Variants in KIF3C observed in about 807,000 individuals in gnomAD.
The protein encoded by KIF3C is kinesin family member 3C, also known as kinesin-like protein KIF3C.
A neutral mutation model predicts 67.7 loss-of-function variants in KIF3C; 12 were observed. The observed-to-expected ratio is 0.18, with a 90% CI of 0.11 to 0.29. The LOEUF (loss-of-function observed/expected upper bound fraction) is 0.29. Ranked by LOEUF, KIF3C falls within the 10% of genes least tolerant of loss-of-function variation. The probability of loss-of-function intolerance (pLI) is 1.00; values close to 1 mark genes in which losing one functional copy is unlikely to be tolerated. For missense variants in KIF3C, 789 were observed against 1,059.6 expected (o/e 0.74, Z 3.55); for synonymous variants, 393 against 426.2 (o/e 0.92, Z 0.96).
At position 25,930,064 on chromosome 2, in the gene KIF3C, C is replaced by T. The variant is rs2090446206; in HGVS notation, c.2007-1G>A. 2.5e-6 allele frequency: 4 copies of T among 1,611,976 alleles called. No homozygotes were observed. Among genetic ancestry groups the T allele is most frequent in the Admixed American group, 3.3e-5 (2 of 59,984 alleles). On this transcript the variant is annotated splice_acceptor_variant, in intron 5 of 7. Transcript: ENST00000264712. LOFTEE classifies it high-confidence loss of function. ...CCGCTTCTTCATCTGGCTGCTACTG[C>T]TGTAGGAAAGAGGCTATATTAGAAA...
chr2:25,966,017 A>G lies in KIF3C; in HGVS notation c.1546-9573T>C, dbSNP rs533394492. On this transcript the variant is annotated intron_variant, in intron 1 of 7. Coordinates refer to ENST00000264712, the MANE Select transcript of KIF3C (RefSeq NM_002254.8). ...ACCAAGGGGACTTTGGGAATCATCA[A>G]CCCCAACCCCCATGCTTTATAGATG... is the stretch of plus-strand genomic sequence containing the variant. Among the ~76,000 whole-genome samples the G allele has an allele frequency of 2.0e-5, 3 of 152,124 alleles. No homozygotes were observed. In the East Asian group the frequency reaches 5.8e-4, roughly 30 times the overall value.
At chr2:25,938,385 A>G (rs1663196529) in intron 5 of KIF3C, 1 of 387,848 alleles carries the variant, frequency 2.6e-6, no homozygotes, top group Non-Finnish European at 5.1e-6. Flanking sequence ...ATTTTGTGAA[A>G]TTTTTGAATC....
chr2:25,938,274 C>T, intron 5 of KIF3C: 2 of 452,338 alleles, frequency 4.4e-6, no homozygotes, highest in South Asian at 3.1e-5. Flanking sequence ...CAGAGAATTG[C>T]TTGAACCTGG....
chr2:25,942,061 A>G (rs1163654454), intron 5 of KIF3C, among the ~76,000 whole-genome samples: 1 of 151,984 alleles, frequency 6.6e-6, no homozygotes, highest in Admixed American at 6.6e-5. Context: ...AAATTAAATA[A>G]AATTTAAAAA....
In KIF3C at chr2:25,945,131, CAA is replaced by C. The variant is rs60379654; in HGVS notation, c.2006+6656_2006+6657del. Among the ~76,000 whole-genome samples the C allele has an allele frequency of 1.1e-3, 156 of 135,960 alleles. 1 individual carries two copies. Among genetic ancestry groups the C allele is most frequent in the Admixed American group, 3.4e-3 (45 of 13,300 alleles). The allele number at this position is 135,960 out of a possible 152,430, so 89.2% of individuals were successfully genotyped here. A position where few individuals can be genotyped will look rare whatever the true frequency, so the allele number is the denominator to read the frequency against. The stretch of plus-strand genomic sequence containing the variant: ...GGGCAACAAGAGCAAAACTCTATCT[CAA>C]AAAAAAAAAAAATTTAAGGGAACAC... On this transcript the variant is annotated intron_variant, in intron 5 of 7. Transcript: ENST00000264712.
At chr2:25,933,872 C>G (rs527574153) in intron 5 of KIF3C, among the ~76,000 whole-genome samples, 81 of 152,092 alleles carry the variant, frequency 5.3e-4, no homozygotes, top group African/African-American at 1.9e-3. Flanking sequence ...TAGGCATATA[C>G]TCAAGAGAAT....
At chr2:25,947,664 CTG>C (rs929577911) in intron 5 of KIF3C, among the ~76,000 whole-genome samples, 1 of 151,800 alleles carries the variant, frequency 6.6e-6, no homozygotes, top group Non-Finnish European at 1.5e-5. Flanking sequence ...TTTTTAAAAT[CTG>C]TGAATGGTTT....
chr2:25,971,643 A>T (rs1664286584), intron 1 of KIF3C, among the ~76,000 whole-genome samples: 1 of 152,108 alleles, frequency 6.6e-6, no homozygotes. Flanking sequence ...TCTGAGCATG[A>T]GGGTGTGCCT....
At chr2:25,929,218 C>T in intron 7 of KIF3C, 87 bp downstream of exon 7, 3 of 1,499,326 alleles carry the variant, frequency 2.0e-6, no homozygotes, top group Non-Finnish European at 2.8e-6. Flanking sequence ...CTTCGGGTAC[C>T]AGCAAAACCC....
intron 1 of KIF3C, among the ~76,000 whole-genome samples, chr2:25,976,322 A>G (rs1213843570): frequency 6.6e-6 from 1 of 151,958 alleles, no homozygotes; most frequent in East Asian, 1.9e-4. Flanking sequence ...CTCCCTCCAG[A>G]CCTTCTTATT....
Position 25,930,065 on chromosome 2 carries a change from T to C in KIF3C, c.2007-2A>G, listed in dbSNP as rs1414673570. 1 of 1,611,524 alleles carries C rather than the reference T, an allele frequency of 6.2e-7. No homozygotes were observed. The highest frequency in any genetic ancestry group is 1.1e-5 in the South Asian group (1 of 91,038). On this transcript the variant is annotated splice_acceptor_variant, in intron 5 of 7. Coordinates refer to ENST00000264712, the MANE Select transcript of KIF3C (RefSeq NM_002254.8). LOFTEE classifies it high-confidence loss of function. ...CGCTTCTTCATCTGGCTGCTACTGC[T>C]GTAGGAAAGAGGCTATATTAGAAAG...
chr2:25,952,563 A>ATTTTT (rs371570181), intron 4 of KIF3C, among the ~76,000 whole-genome samples: 2 of 103,716 alleles, frequency 1.9e-5, no homozygotes, highest in African/African-American at 8.2e-5. Context: ...ATATATATAT[A>ATTTTT]TTTTTTTTTT....
chr2:25,930,939 G>A (rs1574476205), intron 5 of KIF3C, among the ~76,000 whole-genome samples: 1 of 151,986 alleles, frequency 6.6e-6, no homozygotes, highest in Admixed American at 6.6e-5. Flanking sequence ...GCCTGCCTTG[G>A]CCTCCCAAAG....
intron 5 of KIF3C, among the ~76,000 whole-genome samples, chr2:25,948,742 AAGGGAGGG>A (rs375139696): frequency 4.2e-5 from 6 of 141,344 alleles, no homozygotes; most frequent in Non-Finnish European, 9.3e-5. Flanking sequence ...GGAAGGAATG[AAGGGAGGG>A]AGGGAGGGAG....
chr2:25,931,835 C>CA lies in KIF3C; in HGVS notation c.2007-1773dup, dbSNP rs1212380699. Among the ~76,000 whole-genome samples the CA allele has an allele frequency of 3.3e-5, 5 of 151,626 alleles. No homozygotes were observed. In the Admixed American group the frequency reaches 3.3e-4, roughly 10 times the overall value. On this transcript the variant is annotated intron_variant, in intron 5 of 7. Coordinates refer to ENST00000264712, the MANE Select transcript of KIF3C (RefSeq NM_002254.8). ...GTATTTTCAGTAGAGGACAGGGTTTCACCATGTTGGCTGGTCTCGAACTCC... is the reference window on the plus strand; with the variant it reads ...GTATTTTCAGTAGAGGACAGGGTTTCAACCATGTTGGCTGGTCTCGAACTCC...
intron 1 of KIF3C, among the ~76,000 whole-genome samples, chr2:25,969,967 C>T (rs769084719): frequency 1.1e-4 from 17 of 152,190 alleles, no homozygotes; most frequent in Non-Finnish European, 1.8e-4. Flanking sequence ...CTGCCCACCT[C>T]GGCCTCCCGA....
intron 5 of KIF3C, chr2:25,951,321 T>A (rs1212370058): frequency 6.3e-6 from 1 of 158,860 alleles, no homozygotes; most frequent in African/African-American, 2.4e-5. Context: ...CACATCATGA[T>A]CTGATTACTT....
chr2:25,936,679 G>T (rs879256900), intron 5 of KIF3C, among the ~76,000 whole-genome samples: 5 of 152,154 alleles, frequency 3.3e-5, no homozygotes, highest in African/African-American at 1.2e-4. Context: ...TGCAGGGTAT[G>T]TGGATTTTCA....
At chr2:25,956,296 G>T in intron 2 of KIF3C, 47 bp downstream of exon 2, 1 of 1,399,702 alleles carries the variant, frequency 7.1e-7, no homozygotes, top group Non-Finnish European at 1.0e-6. Context: ...CCAGACATGA[G>T]CTGCAGGCCA....
Sources: gnomAD v4.1 joint callset for allele counts (sites outside exome capture counted in the v4.1 genomes callset) on GRCh38, gnomAD v4.1.1 for gene constraint, MANE v1.5 for transcripts, NCBI Gene and HGNC (gene_info 2026-07-23, HGNC 2026-07-21) for gene names.